NUP214: variants seen among roughly 807,000 people sequenced by gnomAD.
NUP214 encodes the protein nucleoporin 214, also known as nuclear pore complex protein Nup214.
A neutral mutation model predicts 196.2 loss-of-function variants in NUP214; 79 were observed. The ratio of observed to expected loss-of-function variants is 0.40; its 90% CI spans 0.34 to 0.49. The LOEUF is 0.49. NUP214 is among the 20% of genes least tolerant of loss of function. The probability of loss-of-function intolerance (pLI) is 0.58; values close to 1 mark genes in which losing one functional copy is unlikely to be tolerated. For synonymous variants in NUP214, 1,020 were observed against 990.5 expected, an observed-to-expected ratio of 1.03 and a Z score of -0.56; for missense variants, 2,468 against 2,539.0, an observed-to-expected ratio of 0.97 and a Z score of 0.60.
At chr9:131,222,650 C>T in intron 31 of NUP214, 128 bp from the exon 32 acceptor site, 1 of 1,100,006 alleles carries the variant, frequency 9.1e-7, no homozygotes, top group Non-Finnish European at 1.3e-6. Context: ...TCGCTCCGCT[C>T]CCTTGGCTTC....
chr9:131,217,516 A>G (rs1413779116), intron 31 of NUP214, among the ~76,000 whole-genome samples: 3 of 152,236 alleles, frequency 2.0e-5, no homozygotes, highest in Admixed American at 6.5e-5. Flanking sequence ...TCCATAGCAC[A>G]TACTTTGAAA....
rs116821525 is a variant in NUP214 at position 131,179,241 on chromosome 9, A to G, written c.3419+831A>G. Among the ~76,000 whole-genome samples, 763 of 152,146 alleles carry G rather than the reference A, an allele frequency of 5.0e-3. 8 individuals carry two copies. Among genetic ancestry groups the G allele is most frequent in the African/African-American group, 0.018 (736 of 41,500 alleles). ...GGTCTCAAATTTCTGGGCTCAAGTG[A>G]TCCTCTCACCTCATCCTCACAAAGT... On this transcript the variant is annotated intron_variant, in intron 24 of 35. Coordinates refer to ENST00000359428, the MANE Select transcript of NUP214 (RefSeq NM_005085.4).
chr9:131,226,438 G>T (rs148698969), intron 32 of NUP214, among the ~76,000 whole-genome samples: 5 of 151,216 alleles, frequency 3.3e-5, no homozygotes, highest in Non-Finnish European at 7.4e-5. Context: ...ATATTTAACC[G>T]CCACCCCTCC....
chr9:131,167,382 ATTTTCC>A (rs1268793365), intron 21 of NUP214: 2 of 151,966 alleles, frequency 1.3e-5, no homozygotes, highest in Non-Finnish European at 2.9e-5. Flanking sequence ...TTGTTTATTC[ATTTTCC>A]TGTTGGACAT....
chr9:131,144,843 TTAAC>T lies in NUP214; in HGVS notation c.1769+91_1769+94del. ...AAAAGTAGAGTCACTCTGAGAGGAG[TTAAC>T]TGAGTAGAATTTTTTTACCCAGAGT... On this transcript the variant is annotated intron_variant, in intron 12 of 35. Coordinates refer to ENST00000359428, the MANE Select transcript of NUP214 (RefSeq NM_005085.4). The T allele has an allele frequency of 2.9e-6, 3 of 1,045,238 alleles. No homozygotes were observed. The South Asian group carries it at 5.1e-5, about 18-fold the overall frequency. 64.7% of individuals were successfully genotyped at this position (1,045,238 alleles called of 1,614,324 possible).
chr9:131,149,178 A>G (rs1832178561), intron 14 of NUP214, among the ~76,000 whole-genome samples: 1 of 152,008 alleles, frequency 6.6e-6, no homozygotes, highest in African/African-American at 2.4e-5. Flanking sequence ...TGTACTAGGT[A>G]CATAGTAAGT....
intron 16 of NUP214, among the ~76,000 whole-genome samples, chr9:131,150,995 C>T (rs1360967823): frequency 6.6e-6 from 1 of 152,086 alleles, no homozygotes; most frequent in Non-Finnish European, 1.5e-5. Flanking sequence ...TTTCAGTTTT[C>T]TCATCATAAG....
intron 6 of NUP214, 49 bp downstream of exon 6, chr9:131,132,708 A>G: frequency 1.3e-6 from 2 of 1,491,302 alleles, no homozygotes; most frequent in Non-Finnish European, 1.9e-6. Context: ...CATGTTATGT[A>G]TATTACAGAA....
At chr9:131,150,811 A>G (rs1172803529) in intron 16 of NUP214, 46 bp downstream of exon 16, 5 of 1,562,484 alleles carry the variant, frequency 3.2e-6, no homozygotes, top group East Asian at 2.2e-5. Flanking sequence ...GCATTTAACA[A>G]TTTTTTTCTC....
chr9:131,178,542 G>T, intron 24 of NUP214, 132 bp downstream of exon 24: 1 of 637,728 alleles, frequency 1.6e-6, no homozygotes, highest in Non-Finnish European at 2.8e-6. Context: ...GGGGGGTGGC[G>T]GCTAAGCCTG....
chr9:131,130,697 T>C (rs1009302009), intron 4 of NUP214, 69 bp from the exon 5 acceptor site: 40 of 1,308,376 alleles, frequency 3.1e-5, no homozygotes, highest in Middle Eastern at 1.8e-4. Flanking sequence ...GATAATTAGC[T>C]GTGTGTGATA....
chr9:131,132,690 T>G, intron 6 of NUP214, 31 bp downstream of exon 6: 1 of 1,563,612 alleles, frequency 6.4e-7, no homozygotes, highest in South Asian at 1.1e-5. Flanking sequence ...TGGGCTGACC[T>G]CTAATGACAT....
At chr9:131,228,630 T>C (rs895972912) in intron 33 of NUP214, 1 of 267,800 alleles carries the variant, frequency 3.7e-6, no homozygotes. Flanking sequence ...AGCCCTGCCT[T>C]AACTACTGCT....
At chr9:131,223,711 T>TTATTTATTTATTTA (rs1554742593) in intron 32 of NUP214, among the ~76,000 whole-genome samples, 3 of 27,152 alleles carry the variant, frequency 1.1e-4, no homozygotes, top group South Asian at 1.9e-3. Context: ...TTTTTTTTAT[T>TTATTTATTTATTTA]TTTATTTATT....
At position 131,228,193 on chromosome 9, in the gene NUP214, C is replaced by T; in HGVS notation, c.5936C>T (p.Pro1979Leu). 1 of 1,600,656 alleles carries T rather than the reference C, an allele frequency of 6.2e-7. No individual in the cohort carries two copies. The highest frequency in any genetic ancestry group is 8.5e-7 in the Non-Finnish European group (1 of 1,174,890). The change falls in exon 33 of 36, where the codon CCT becomes CTT. Residue 1979 changes from proline to leucine, a missense_variant. Pro to Leu is a moderately conservative substitution (Grantham distance 98, BLOSUM62 -3). Coordinates refer to ENST00000359428, the MANE Select transcript of NUP214 (RefSeq NM_005085.4). ...GFGAAPVFGS[P>L]PTFGGSPGFG... is the part of the protein sequence containing the mutation. Reference sequence around the variant, plus strand: ...GGTGCTGCTCCAGTGTTTGGCAGCCCTCCTACTTTTGGGGGATCCCCTGGG... The same window carrying T: ...GGTGCTGCTCCAGTGTTTGGCAGCCTTCCTACTTTTGGGGGATCCCCTGGG...
In NUP214 at chr9:131,197,261, C is replaced by T. The variant is rs1417901143; in HGVS notation, c.3767C>T (p.Ser1256Leu). 1.9e-6 allele frequency: 3 copies of T among 1,614,070 alleles called. No homozygotes were observed. The highest frequency in any genetic ancestry group is 1.1e-5 in the South Asian group (1 of 91,082). ...GAGTCAAGCCAGCCGGACGCATTCT[C>T]ATCTGGTGGGGGAAGCAAACCTTCT... Reference protein sequence around the residue: ...TKESSQPDAFSSGGGSKPSYE... With the variant: ...TKESSQPDAFLSGGGSKPSYE... The change falls in exon 29 of 36, where the codon TCA (serine) becomes TTA (leucine). Residue 1256 changes from serine to leucine, a missense_variant. By Grantham distance (145) the Ser-to-Leu change is moderately radical. Around this residue, in one of 5 missense-constraint regions of NUP214, gnomAD observed 1,801 missense variants for 1,779.4 expected, o/e 1.01. Coordinates refer to ENST00000359428, the MANE Select transcript of NUP214 (RefSeq NM_005085.4).
chr9:131,125,909 T>G lies in NUP214; in HGVS notation c.45+160T>G, dbSNP rs1343797794. On this transcript the variant is annotated intron_variant, in intron 1 of 35. Coordinates refer to ENST00000359428, the MANE Select transcript of NUP214 (RefSeq NM_005085.4). This position sits in a 1 kb window ranked among gnomAD's most constrained non-coding sequence, Gnocchi z 4.1. ...CGCGTCTGCCGCGCCGCTGGCGTGA[T>G]AGCCCCACCGAATGCAGTTTCCCAG... The G allele has an allele frequency of 1.2e-6, 1 of 842,048 alleles. No individual in the cohort carries two copies. Among genetic ancestry groups the G allele is most frequent in the African/African-American group, 1.7e-5 (1 of 57,532 alleles). The allele number at this position is 842,048 out of a possible 1,614,324, so 52.2% of individuals were successfully genotyped here.
At chr9:131,161,504 A>G (rs1832631754) in intron 18 of NUP214, among the ~76,000 whole-genome samples, 2 of 151,710 alleles carry the variant, frequency 1.3e-5, no homozygotes, top group Admixed American at 1.3e-4. Context: ...TGATCCACCC[A>G]CCTCGCCCTC....
chr9:131,128,233 A>G, intron 2 of NUP214, 99 bp from the exon 3 acceptor site: 3 of 1,035,792 alleles, frequency 2.9e-6, no homozygotes, highest in Non-Finnish European at 4.2e-6. Context: ...ATGTGTGTTT[A>G]TGTAGATGCA....
Sources: gnomAD v4.1 joint callset for allele counts (sites outside exome capture counted in the v4.1 genomes callset) on GRCh38, gnomAD v4.1.1 for gene constraint, gnomAD v4.1.1 regional missense constraint, Gnocchi (gnomAD v3.1) non-coding constraint, MANE v1.5 for transcripts, NCBI Gene and HGNC (gene_info 2026-07-23, HGNC 2026-07-21) for gene names.